Variants in RYR2 observed in about 807,000 individuals in gnomAD.
RYR2 encodes the protein cardiac muscle ryanodine receptor-calcium release channel.
Under a neutral mutation model 601.1 loss-of-function variants are expected in RYR2, and 227 were observed. The ratio of observed to expected loss-of-function variants is 0.38; its 90% CI spans 0.34 to 0.42. The LOEUF (loss-of-function observed/expected upper bound fraction) is 0.42, where lower values mean the gene tolerates loss of function less well. Among genes scored for constraint, RYR2 ranks in the 10% least tolerant of loss-of-function variants. The pLI, the probability that RYR2 is intolerant of heterozygous loss-of-function variation, is 1.00. For synonymous variants in RYR2, 2,223 were observed against 2,175.1 expected (o/e 1.02, Z -0.61); for missense variants, 4,646 against 6,156.5 (o/e 0.75, Z 8.21).
chr1:237,436,254 C>T (rs1017513154), intron 12 of RYR2, among the ~76,000 whole-genome samples: 18 of 141,214 alleles, frequency 1.3e-4, no homozygotes, highest in South Asian at 1.2e-3. Flanking sequence ...ATTGGTCCCA[C>T]GCACACTCTA....
intron 8 of RYR2, among the ~76,000 whole-genome samples, chr1:237,382,463 G>C (rs554220647): frequency 9.9e-4 from 151 of 151,812 alleles, no homozygotes; most frequent in African/African-American, 3.5e-3. Flanking sequence ...TGCCATGTTG[G>C]TGTGCTGCAC....
At chr1:237,762,844 C>T (rs978518175) in intron 84 of RYR2, among the ~76,000 whole-genome samples, 1 of 152,152 alleles carries the variant, frequency 6.6e-6, no homozygotes, top group Non-Finnish European at 1.5e-5. Context: ...TCTTTTTCCC[C>T]ATTTCCTTTT....
At chr1:237,201,919 TG>T (rs1681239949) in intron 1 of RYR2, among the ~76,000 whole-genome samples, 2 of 152,226 alleles carry the variant, frequency 1.3e-5, no homozygotes, top group Non-Finnish European at 1.5e-5. Flanking sequence ...ACTGATACAC[TG>T]AATTACTTGC....
chr1:237,435,293 T>G (rs1279941970), intron 12 of RYR2, among the ~76,000 whole-genome samples: 1 of 152,192 alleles, frequency 6.6e-6, no homozygotes, highest in Non-Finnish European at 1.5e-5. Context: ...AGATGCTGTT[T>G]TTTTATCTTT....
chr1:237,268,580 G>T (rs1195516528), intron 1 of RYR2, among the ~76,000 whole-genome samples: 1 of 152,070 alleles, frequency 6.6e-6, no homozygotes, highest in African/African-American at 2.4e-5. Context: ...AAAAATATTG[G>T]GCTTTGCCTG....
intron 29 of RYR2, among the ~76,000 whole-genome samples, chr1:237,572,314 G>A (rs7527407): frequency 0.01 from 1,570 of 151,938 alleles, 32 homozygotes; most frequent in African/African-American, 0.036. Context: ...TCCTTTCTTT[G>A]GATGTTAAAA....
chr1:237,307,819 G>C (rs567795746), intron 2 of RYR2, among the ~76,000 whole-genome samples: 75 of 152,240 alleles, frequency 4.9e-4, no homozygotes, highest in South Asian at 2.7e-3. Flanking sequence ...ATGAGCCTTC[G>C]GTTTGCTGTA....
rs941863589 is a variant in RYR2 at position 237,666,679 on chromosome 1, G to A, written c.8514+90G>A. The A allele has an allele frequency of 1.2e-5, 13 of 1,049,398 alleles. No homozygotes were observed. The Admixed American group carries it at 2.7e-4, about 22-fold the overall frequency. 65.0% of individuals were successfully genotyped at this position (1,049,398 alleles called of 1,614,324 possible). ...TTTCCTGCATATATTTGGCAGCATG[G>A]TTTATTTGAATGTGGCGATCTATAA... On this transcript the variant is annotated intron_variant, in intron 57 of 104. Coordinates refer to ENST00000366574, the MANE Select transcript of RYR2 (RefSeq NM_001035.3).
At chr1:237,254,125 C>T (rs1687727765) in intron 1 of RYR2, among the ~76,000 whole-genome samples, 1 of 152,148 alleles carries the variant, frequency 6.6e-6, no homozygotes, top group Admixed American at 6.5e-5. Flanking sequence ...AATGCTATAC[C>T]ATGCCCCATG....
intron 89 of RYR2, among the ~76,000 whole-genome samples, chr1:237,782,294 C>A (rs370111964): frequency 7.3e-5 from 11 of 151,638 alleles, no homozygotes; most frequent in African/African-American, 2.2e-4. Context: ...GAGGTATGAC[C>A]CTTGGACAAG....
At chr1:237,503,217 T>G in intron 21 of RYR2, 72 bp from the exon 22 acceptor site, 1 of 1,388,950 alleles carries the variant, frequency 7.2e-7, no homozygotes, top group Non-Finnish European at 9.9e-7. Flanking sequence ...AATTTTTCCC[T>G]AAGATTTTGT....
intron 1 of RYR2, among the ~76,000 whole-genome samples, chr1:237,164,099 A>G (rs1190396968): frequency 6.6e-6 from 1 of 152,196 alleles, no homozygotes; most frequent in Non-Finnish European, 1.5e-5. Context: ...CAGCCTGGCC[A>G]ATGTGGTGAA....
chr1:237,713,908 T>G (rs988506268), intron 71 of RYR2, among the ~76,000 whole-genome samples: 2 of 152,078 alleles, frequency 1.3e-5, no homozygotes, highest in Non-Finnish European at 1.5e-5. Flanking sequence ...TTATAATTAC[T>G]ATATCTAAAA....
intron 9 of RYR2, among the ~76,000 whole-genome samples, chr1:237,387,679 C>T (rs1572093559): frequency 6.6e-6 from 1 of 152,098 alleles, no homozygotes; most frequent in East Asian, 1.9e-4. Flanking sequence ...CAGAGTATTG[C>T]CTGGTTGGAC....
intron 29 of RYR2, among the ~76,000 whole-genome samples, chr1:237,579,874 T>C (rs547532917): frequency 1.3e-5 from 2 of 152,074 alleles, no homozygotes; most frequent in South Asian, 2.1e-4. Flanking sequence ...AATTCAAACT[T>C]CAGTGTAAGG....
chr1:237,456,089 T>A (rs1056615173), intron 15 of RYR2, among the ~76,000 whole-genome samples: 1 of 152,172 alleles, frequency 6.6e-6, no homozygotes, highest in Admixed American at 6.5e-5. Context: ...TTATGTGGTT[T>A]GCCACGCTTT....
intron 10 of RYR2, among the ~76,000 whole-genome samples, chr1:237,393,959 C>A (rs972550357): frequency 6.6e-6 from 1 of 152,000 alleles, no homozygotes; most frequent in African/African-American, 2.4e-5. Context: ...GCTGTTGGAT[C>A]TTGGCAAAAA....
At chr1:237,153,133 A>G (rs561191479) in intron 1 of RYR2, among the ~76,000 whole-genome samples, 3 of 152,192 alleles carry the variant, frequency 2.0e-5, no homozygotes, top group Non-Finnish European at 2.9e-5. Context: ...ATGCTCTTGC[A>G]TGGGTGAGAG....
At chr1:237,602,982 G>A (rs1676677083) in intron 35 of RYR2, among the ~76,000 whole-genome samples, 1 of 152,190 alleles carries the variant, frequency 6.6e-6, no homozygotes, top group Non-Finnish European at 1.5e-5. Flanking sequence ...TGATAAATGT[G>A]AAAACATTCT....
Sources: allele counts gnomAD v4.1 joint callset (sites outside exome capture counted in the v4.1 genomes callset), GRCh38; gene constraint gnomAD v4.1.1; transcripts MANE v1.5; gene names NCBI Gene and HGNC (gene_info 2026-07-23, HGNC 2026-07-21).